Variants in SYNJ2 observed in about 807,000 individuals in gnomAD.
SYNJ2 encodes polyphosphatidylinositol phosphatase SYNJ2.
A neutral mutation model predicts 141.3 loss-of-function variants in SYNJ2; 116 were observed. The observed-to-expected ratio is 0.82, with a 90% CI of 0.71 to 0.96. The LOEUF (loss-of-function observed/expected upper bound fraction) is 0.96. Among genes scored for constraint, SYNJ2 ranks in the 40% least tolerant of loss-of-function variants. The probability of loss-of-function intolerance (pLI) is 0.00; values close to 1 mark genes in which losing one functional copy is unlikely to be tolerated. For missense variants in SYNJ2, 1,873 were observed against 1,934.8 expected, an observed-to-expected ratio of 0.97 and a Z score of 0.60; for synonymous variants, 745 against 777.7, an observed-to-expected ratio of 0.96 and a Z score of 0.70.
At chr6:158,047,274 C>T (rs569766409) in intron 5 of SYNJ2, among the ~76,000 whole-genome samples, 5 of 152,258 alleles carry the variant, frequency 3.3e-5, no homozygotes, top group African/African-American at 1.2e-4. Flanking sequence ...ACAGAAAGAA[C>T]CACAGTCACA....
intron 1 of SYNJ2, among the ~76,000 whole-genome samples, chr6:157,995,559 C>T (rs753298686): frequency 5.3e-5 from 8 of 152,182 alleles, no homozygotes; most frequent in South Asian, 2.1e-4. Flanking sequence ...AGCATCTGTG[C>T]GGGAAATGCC....
At position 158,084,934 on chromosome 6, in the gene SYNJ2, A is replaced by G. The variant is rs775581579; in HGVS notation, c.3208+760A>G. On this transcript the variant is annotated intron_variant, in intron 22 of 26. Coordinates refer to ENST00000355585, the MANE Select transcript of SYNJ2 (RefSeq NM_003898.4). The surrounding 1 kb of genome is among the most constrained non-coding windows in gnomAD (Gnocchi z 5.0). ...TATCATATTATTATACAGTCATGTC[A>G]TACGGTCACATCATTGTATCATTTT... Among the ~76,000 whole-genome samples the G allele has an allele frequency of 6.6e-6, 1 of 151,786 alleles. No homozygotes were observed. Among genetic ancestry groups the G allele is most frequent in the African/African-American group, 2.4e-5 (1 of 41,294 alleles).
chr6:158,094,394 C>G (rs1420735619), intron 26 of SYNJ2, among the ~76,000 whole-genome samples: 35 of 72,948 alleles, frequency 4.8e-4, no homozygotes, highest in African/African-American at 6.5e-4. Flanking sequence ...TACGGCTGGG[C>G]AAAAAAAAAA....
rs1296611230 is a variant in SYNJ2, at chr6:158,098,073, A to G, written c.*1709A>G. ...GAGAAGCTGATTTGCCAAGATGCAC[A>G]TCGCTATTAACAGCCAGAGTCATAA... is the stretch of plus-strand genomic sequence containing the variant. On this transcript the variant is annotated 3_prime_UTR_variant, in exon 27 of 27. Transcript: ENST00000355585. 2.4e-5 allele frequency: 3 copies of G among 123,986 alleles called. No individual in the cohort carries two copies. The highest frequency in any genetic ancestry group is 5.2e-5 in the Non-Finnish European group (3 of 57,782). 7.7% of individuals were successfully genotyped at this position (123,986 alleles called of 1,614,324 possible). A position where few individuals can be genotyped will look rare whatever the true frequency, so the allele number is the denominator to read the frequency against.
chr6:157,997,381 C>T (rs1777672559), intron 1 of SYNJ2, among the ~76,000 whole-genome samples: 4 of 152,068 alleles, frequency 2.6e-5, no homozygotes, highest in Non-Finnish European at 5.9e-5. Context: ...GACTGGCGTG[C>T]TTATAAGAAG....
chr6:158,081,968 A>C (rs974055107), intron 20 of SYNJ2, among the ~76,000 whole-genome samples: 1 of 151,954 alleles, frequency 6.6e-6, no homozygotes, highest in Admixed American at 6.6e-5. Flanking sequence ...ATCTGTCTTT[A>C]TGTATAGACG....
intron 5 of SYNJ2, among the ~76,000 whole-genome samples, chr6:158,048,123 C>G (rs563878020): frequency 7.2e-4 from 110 of 152,240 alleles, no homozygotes; most frequent in African/African-American, 2.5e-3. Flanking sequence ...GTAGGGGGCA[C>G]CAGGGATCAG....
At chr6:158,094,223 T>C (rs1337364130) in intron 26 of SYNJ2, 6 of 465,186 alleles carry the variant, frequency 1.3e-5, no homozygotes, top group Non-Finnish European at 2.3e-5. Flanking sequence ...TTCCTCCGCC[T>C]CTTCCCTGTT....
In SYNJ2 at chr6:157,982,048, C is replaced by G. The variant is rs758709447; in HGVS notation, c.87C>G (p.Asp29Glu). Reference protein sequence around the residue: ...CSVLLEARGRDDCLLFEAGTV... With the variant: ...CSVLLEARGREDCLLFEAGTV... ...TGCTGCTGGAGGCGCGCGGCCGCGA[C>G]GACTGCCTGCTGTTCGAGGCCGGCA... is the stretch of plus-strand genomic sequence containing the variant. Residue 29 changes from aspartate to glutamate, a missense_variant, in exon 1 of 27, where the codon GAC becomes GAG. Transcript: ENST00000355585. The surrounding 1 kb of genome is among the most constrained non-coding windows in gnomAD (Gnocchi z 4.0). 1.5e-6 allele frequency: 2 copies of G among 1,335,934 alleles called. No homozygotes were observed. Among genetic ancestry groups the G allele is most frequent in the East Asian group, 3.1e-5 (1 of 32,494 alleles). The allele number at this position is 1,335,934 out of a possible 1,614,324, so 82.8% of individuals were successfully genotyped here.
rs1209097856 is a variant in SYNJ2, at chr6:158,093,224, A to G, written c.3744+120A>G. On this transcript the variant is annotated intron_variant, in intron 26 of 26. Transcript: ENST00000355585. ...GCCGAGGCAAGCGGATTACGAGGTC[A>G]GGAGTTCAAGACCAGCCTGACCAAC... 6.0e-5 allele frequency: 67 copies of G among 1,116,642 alleles called. 1 individual carries two copies. The highest frequency in any genetic ancestry group is 2.7e-4 in the South Asian group (18 of 65,888). The allele number at this position is 1,116,642 out of a possible 1,614,324, so 69.2% of individuals were successfully genotyped here.
chr6:158,036,149 CGTGAATATTATTTGACTTGT>C (rs1779625481), intron 4 of SYNJ2, among the ~76,000 whole-genome samples: 1 of 152,216 alleles, frequency 6.6e-6, no homozygotes, highest in Non-Finnish European at 1.5e-5. Context: ...ATTTGACTTG[CGTGAATATTATTTGACTTGT>C]GTGAAATGAG....
At position 158,043,206 on chromosome 6, in the gene SYNJ2, C is replaced by T. The variant is rs1199583049; in HGVS notation, c.712-110C>T. ...GAGGACGCCGGAGTCCACCGTCCGCCCTTCATTCTGGCTGGTGTCGGGTCA... is the reference window on the plus strand; with the variant it reads ...GAGGACGCCGGAGTCCACCGTCCGCTCTTCATTCTGGCTGGTGTCGGGTCA... On this transcript the variant is annotated intron_variant, in intron 4 of 26. Coordinates refer to ENST00000355585, the MANE Select transcript of SYNJ2 (RefSeq NM_003898.4). This position sits in a 1 kb window ranked among gnomAD's most constrained non-coding sequence, Gnocchi z 4.0. The T allele has an allele frequency of 5.5e-6, 5 of 905,170 alleles. No individual in the cohort carries two copies. Among genetic ancestry groups the T allele is most frequent in the Admixed American group, 2.0e-5 (1 of 49,008 alleles). 56.1% of individuals were successfully genotyped at this position (905,170 alleles called of 1,614,324 possible).
intron 25 of SYNJ2, among the ~76,000 whole-genome samples, chr6:158,092,535 G>A (rs1783529593): frequency 6.6e-6 from 1 of 152,206 alleles, no homozygotes; most frequent in South Asian, 2.1e-4. Flanking sequence ...AGCTACTTGG[G>A]AGGCTGAGGT....
intron 22 of SYNJ2, among the ~76,000 whole-genome samples, chr6:158,086,008 A>G (rs1298141670): frequency 6.6e-6 from 1 of 152,122 alleles, no homozygotes; most frequent in African/African-American, 2.4e-5. Context: ...AGTCCTTTGC[A>G]TGAAGAAACT....
At chr6:158,036,578 A>C (rs1018191784) in intron 4 of SYNJ2, among the ~76,000 whole-genome samples, 16 of 152,158 alleles carry the variant, frequency 1.1e-4, no homozygotes, top group African/African-American at 3.4e-4. Flanking sequence ...GAACACATGG[A>C]TACAAAGAGG....
Position 158,096,225 on chromosome 6 carries a change from C to A in SYNJ2, c.4352C>A (p.Pro1451Gln). Reference protein sequence around the residue: ...TRSPKRDPIDPVSAGASAAKA... With the variant: ...TRSPKRDPIDQVSAGASAAKA... ...AGCCCCAAAAGAGATCCCATAGACC[C>A]AGTGTCAGCTGGCGCTTCAGCTGCC... Residue 1451 changes from proline (P) to glutamine (Q), a missense_variant, in exon 27 of 27, where the codon CCA becomes CAA. Coordinates refer to ENST00000355585, the MANE Select transcript of SYNJ2 (RefSeq NM_003898.4). 2.5e-6 allele frequency: 4 copies of A among 1,614,250 alleles called. No individual in the cohort carries two copies. The highest frequency in any genetic ancestry group is 2.7e-5 in the African/African-American group (2 of 75,070).
chr6:158,031,193 T>C (rs1187337033), intron 3 of SYNJ2, among the ~76,000 whole-genome samples: 1 of 152,192 alleles, frequency 6.6e-6, no homozygotes, highest in African/African-American at 2.4e-5. Flanking sequence ...TATCTTTGTG[T>C]GGAGTCCGTG....
intron 22 of SYNJ2, among the ~76,000 whole-genome samples, 166 bp from the exon 23 acceptor site, chr6:158,086,689 G>A (rs576345814): frequency 2.9e-5 from 3 of 103,892 alleles, no homozygotes; most frequent in South Asian, 6.9e-4. Context: ...TGCCCTCCCC[G>A]CCCCCGCCCC....
intron 4 of SYNJ2, among the ~76,000 whole-genome samples, chr6:158,038,672 G>A (rs898402020): frequency 6.6e-6 from 1 of 152,242 alleles, no homozygotes; most frequent in African/African-American, 2.4e-5. Flanking sequence ...CAGGTCCCAG[G>A]CTCTGCTCCC....
Sources: gnomAD v4.1 joint callset for allele counts (sites outside exome capture counted in the v4.1 genomes callset) on GRCh38, gnomAD v4.1.1 for gene constraint, Gnocchi (gnomAD v3.1) non-coding constraint, MANE v1.5 for transcripts, NCBI Gene and HGNC (gene_info 2026-07-23, HGNC 2026-07-21) for gene names.